CHCHD6: variants seen among roughly 807,000 people sequenced by gnomAD.
CHCHD6 encodes coiled-coil-helix-coiled-coil-helix domain containing 6.
Under a neutral mutation model 32.3 loss-of-function variants are expected in CHCHD6, and 28 were observed. That is an observed-to-expected ratio of 0.87 (90% confidence interval 0.64 to 1.19). The LOEUF (loss-of-function observed/expected upper bound fraction) is 1.19. Ranked by LOEUF, CHCHD6 falls within the 50% of genes most tolerant of loss-of-function variation. The pLI is 0.00. For missense variants in CHCHD6, 333 were observed against 307.0 expected, an observed-to-expected ratio of 1.08 and a Z score of -0.63; for synonymous variants, 122 against 117.5, an observed-to-expected ratio of 1.04 and a Z score of -0.25.
chr3:126,744,829 C>T (rs181145721), intron 4 of CHCHD6, among the ~76,000 whole-genome samples: 64 of 152,206 alleles, frequency 4.2e-4, no homozygotes, highest in African/African-American at 1.3e-3. Flanking sequence ...CTGGGACTAC[C>T]GGCGTGCACC....
intron 4 of CHCHD6, among the ~76,000 whole-genome samples, chr3:126,780,602 T>G (rs1937888722): frequency 6.6e-6 from 1 of 152,252 alleles, no homozygotes; most frequent in African/African-American, 2.4e-5. Flanking sequence ...TCTTCTTGAT[T>G]CTGGCTTGCC....
At chr3:126,857,307 G>A (rs973549150) in intron 5 of CHCHD6, among the ~76,000 whole-genome samples, 7 of 152,164 alleles carry the variant, frequency 4.6e-5, no homozygotes, top group Non-Finnish European at 8.8e-5. Flanking sequence ...ATGAAGTGGA[G>A]AAGGTCTTTT....
chr3:126,834,062 A>AAAAT (rs1270077445), intron 4 of CHCHD6, among the ~76,000 whole-genome samples: 6 of 148,628 alleles, frequency 4.0e-5, no homozygotes, highest in Middle Eastern at 3.4e-3. Context: ...TCAAAAAAAA[A>AAAAT]AAAAAAAAAA....
intron 4 of CHCHD6, among the ~76,000 whole-genome samples, chr3:126,759,186 A>G (rs568580245): frequency 6.6e-6 from 1 of 152,256 alleles, no homozygotes; most frequent in African/African-American, 2.4e-5. Flanking sequence ...GAAATGATTT[A>G]CTCAGATGCT....
rs374513210 is a variant in CHCHD6 at position 126,864,087 on chromosome 3, C to T, written c.495+11357C>T. ...CCTCTTCCCCCACAATCACCACCTC[C>T]TCCACCACCATTACCACATCCTCCA... On this transcript the variant is annotated intron_variant, in intron 5 of 7. Transcript: ENST00000290913. Among the ~76,000 whole-genome samples the T allele has an allele frequency of 3.4e-3, 507 of 150,832 alleles. 3 individuals carry two copies. The highest frequency in any genetic ancestry group is 0.012 in the African/African-American group (471 of 40,954).
intron 5 of CHCHD6, chr3:126,865,710 C>A: frequency 1.0e-6 from 1 of 985,414 alleles, no homozygotes; most frequent in Middle Eastern, 5.2e-4. Context: ...TTACCCTCTT[C>A]CCTGAGTCTA....
At chr3:126,858,707 G>A (rs1941750723) in intron 5 of CHCHD6, among the ~76,000 whole-genome samples, 1 of 152,202 alleles carries the variant, frequency 6.6e-6, no homozygotes. Flanking sequence ...CCCACTGTTA[G>A]CCCACATCTG....
intron 6 of CHCHD6, among the ~76,000 whole-genome samples, chr3:126,929,328 T>C (rs1406324669): frequency 1.3e-5 from 2 of 152,188 alleles, no homozygotes; most frequent in African/African-American, 2.4e-5. Context: ...GTCAGCAGCA[T>C]GTACACTGGG....
At chr3:126,764,803 A>T (rs1432221437) in intron 4 of CHCHD6, among the ~76,000 whole-genome samples, 1 of 152,156 alleles carries the variant, frequency 6.6e-6, no homozygotes, top group East Asian at 1.9e-4. Flanking sequence ...TGAGTTAGAG[A>T]TGGTGGTTTT....
At chr3:126,883,908 A>G (rs1262046508) in intron 5 of CHCHD6, among the ~76,000 whole-genome samples, 1 of 152,194 alleles carries the variant, frequency 6.6e-6, no homozygotes, top group African/African-American at 2.4e-5. Flanking sequence ...AGTTCTTGTG[A>G]CATTTCCTGT....
At chr3:126,874,500 C>T (rs888021870) in intron 5 of CHCHD6, among the ~76,000 whole-genome samples, 6 of 152,152 alleles carry the variant, frequency 3.9e-5, no homozygotes, top group African/African-American at 1.4e-4. Flanking sequence ...GTCTGGAGGG[C>T]TCCTCATCAC....
intron 4 of CHCHD6, among the ~76,000 whole-genome samples, chr3:126,750,933 G>A (rs1462325830): frequency 1.3e-5 from 2 of 152,194 alleles, no homozygotes; most frequent in African/African-American, 2.4e-5. Flanking sequence ...AGAAGGCACA[G>A]CTGAGCAAGG....
chr3:126,730,768 C>T (rs1402995389), intron 3 of CHCHD6, 138 bp downstream of exon 3: 1 of 653,350 alleles, frequency 1.5e-6, no homozygotes, highest in Non-Finnish European at 2.6e-6. Flanking sequence ...GAAGGACAAC[C>T]CTATGGTATA....
At chr3:126,897,506 A>G (rs2077858053) in intron 5 of CHCHD6, among the ~76,000 whole-genome samples, 1 of 152,010 alleles carries the variant, frequency 6.6e-6, no homozygotes, top group African/African-American at 2.4e-5. Flanking sequence ...GGACTTTTTT[A>G]TTCTGTATTG....
chr3:126,837,134 G>T (rs367673810), intron 4 of CHCHD6, among the ~76,000 whole-genome samples: 16 of 152,270 alleles, frequency 1.1e-4, no homozygotes, highest in African/African-American at 3.6e-4. Context: ...AGATAGCCTT[G>T]CTTGGAAAAT....
chr3:126,944,122 G>C (rs951888127), intron 6 of CHCHD6, among the ~76,000 whole-genome samples: 1 of 152,252 alleles, frequency 6.6e-6, no homozygotes, highest in African/African-American at 2.4e-5. Context: ...GTAGGTTACA[G>C]AATTTCCACA....
chr3:126,852,630 T>C lies in CHCHD6; in HGVS notation c.412-17T>C. ...CATCGCTGCTGGCTAACGTGGGCTT[T>C]GTTCTCTTCCAAGCAGGCCAGGGAG... On this transcript the variant is annotated splice_polypyrimidine_tract_variant and intron_variant, in intron 4 of 7. Coordinates refer to ENST00000290913, the MANE Select transcript of CHCHD6 (RefSeq NM_032343.3). The C allele has an allele frequency of 6.2e-7, 1 of 1,609,240 alleles. No homozygotes were observed. The highest frequency in any genetic ancestry group is 8.5e-7 in the Non-Finnish European group (1 of 1,175,726).
chr3:126,904,213 C>G (rs929556478), intron 5 of CHCHD6, among the ~76,000 whole-genome samples: 1 of 152,190 alleles, frequency 6.6e-6, no homozygotes, highest in African/African-American at 2.4e-5. Context: ...GTTAGCCCCT[C>G]CTCTTACAAA....
chr3:126,933,171 C>A (rs2078430755), intron 6 of CHCHD6, among the ~76,000 whole-genome samples: 2 of 152,148 alleles, frequency 1.3e-5, no homozygotes, highest in African/African-American at 4.8e-5. Context: ...GGAATGGAAG[C>A]CCTACCTGCT....
Sources: allele counts gnomAD v4.1 joint callset (sites outside exome capture counted in the v4.1 genomes callset), GRCh38; gene constraint gnomAD v4.1.1; transcripts MANE v1.5; gene names NCBI Gene and HGNC (gene_info 2026-07-23, HGNC 2026-07-21).